Variants in AP1G1 observed in about 807,000 individuals in gnomAD.
AP1G1 encodes adaptor related protein complex 1 subunit gamma 1.
AP1G1 carries 7 observed loss-of-function variants against 108.3 expected under a neutral mutation model. That is an observed-to-expected ratio of 0.06 (90% CI 0.04 to 0.12). The LOEUF is 0.12. AP1G1 is among the 10% of genes least tolerant of loss of function. The pLI is 1.00. For synonymous variants in AP1G1, 379 were observed against 353.5 expected (o/e 1.07, Z -0.81); for missense variants, 756 against 1,010.7 (o/e 0.75, Z 3.42).
intron 19 of AP1G1, 111 bp downstream of exon 19, chr16:71,745,033 A>G: frequency 8.6e-7 from 1 of 1,166,304 alleles, no homozygotes; most frequent in Non-Finnish European, 1.2e-6. Flanking sequence ...CTTCTGATTT[A>G]GCCTCTCCCA....
intron 12 of AP1G1, among the ~76,000 whole-genome samples, chr16:71,755,812 A>T (rs1357357570): frequency 2.0e-5 from 3 of 151,748 alleles, no homozygotes; most frequent in African/African-American, 7.3e-5. Context: ...GGCCCAACAA[A>T]TTTTTGTATT....
intron 21 of AP1G1, among the ~76,000 whole-genome samples, chr16:71,737,352 T>G (rs906576468): frequency 6.6e-6 from 1 of 152,104 alleles, no homozygotes; most frequent in East Asian, 1.9e-4. Flanking sequence ...GGCATGATCT[T>G]GGCTAACTGC....
chr16:71,808,005 T>C lies in AP1G1; in HGVS notation c.-4+758A>G, dbSNP rs536368196. 2.9e-5 allele frequency: 35 copies of C among 1,216,364 alleles called. No homozygotes were observed. The African/African-American group carries it at 4.9e-4, about 17-fold the overall frequency. The allele number at this position is 1,216,364 out of a possible 1,614,324, so 75.3% of individuals were successfully genotyped here. A position where few individuals can be genotyped will look rare whatever the true frequency, so the allele number is the denominator to read the frequency against. On this transcript the variant is annotated intron_variant, in intron 1 of 22. Transcript: ENST00000299980. ...TGCTTCATAAACATAATCTGCTTCA[T>C]AAACATTACCCTGAGCGAGTGGTTC...
At chr16:71,752,932 G>T (rs1386520263) in intron 13 of AP1G1, among the ~76,000 whole-genome samples, 1 of 152,002 alleles carries the variant, frequency 6.6e-6, no homozygotes, top group Non-Finnish European at 1.5e-5. Flanking sequence ...TTTTCCATTA[G>T]AGTGGTATTT....
At chr16:71,754,000 G>A in intron 12 of AP1G1, 113 bp from the exon 13 acceptor site, 1 of 995,688 alleles carries the variant, frequency 1.0e-6, no homozygotes, top group South Asian at 1.4e-5. Flanking sequence ...AACATCTTGG[G>A]AGGCCGAGGT....
At chr16:71,788,657 CTTTT>C (rs10551804) in intron 2 of AP1G1, among the ~76,000 whole-genome samples, 13 of 150,144 alleles carry the variant, frequency 8.7e-5, no homozygotes, top group African/African-American at 2.2e-4. Flanking sequence ...ATTTAGCAAG[CTTTT>C]TTTTTTAAAA....
intron 9 of AP1G1, 68 bp downstream of exon 9, chr16:71,764,282 C>G: frequency 1.1e-6 from 1 of 872,640 alleles, no homozygotes; most frequent in South Asian, 1.9e-5. Flanking sequence ...TTCTGAAGTA[C>G]TGAAGTCCAA....
chr16:71,740,318 CA>C (rs1460924628), intron 19 of AP1G1, among the ~76,000 whole-genome samples: 1 of 152,162 alleles, frequency 6.6e-6, no homozygotes, highest in Non-Finnish European at 1.5e-5. Context: ...CCAGTTGTAA[CA>C]ACCAAAAATA....
intron 2 of AP1G1, among the ~76,000 whole-genome samples, chr16:71,782,996 G>A (rs11075904): frequency 0.86 from 130,695 of 152,094 alleles, 56,309 homozygotes; most frequent in East Asian, 0.99. Flanking sequence ...GGAGACCACA[G>A]TCTAGGCTTA....
chr16:71,804,263 G>A (rs1376623585), intron 1 of AP1G1, among the ~76,000 whole-genome samples: 3 of 151,896 alleles, frequency 2.0e-5, no homozygotes, highest in Non-Finnish European at 2.9e-5. Context: ...GGCCAGGATG[G>A]TCTCGATCTC....
At chr16:71,800,572 T>A (rs1405981589) in intron 1 of AP1G1, among the ~76,000 whole-genome samples, 1 of 149,666 alleles carries the variant, frequency 6.7e-6, no homozygotes, top group Admixed American at 6.6e-5. Flanking sequence ...GAGGCCAAGG[T>A]GGGCAGATCA....
Position 71,756,124 on chromosome 16 carries a change from C to T in AP1G1, c.1124G>A (p.Gly375Glu). 6.2e-7 allele frequency: 1 copy of T among 1,613,352 alleles called. No homozygotes were observed. The highest frequency in any genetic ancestry group is 8.5e-7 in the Non-Finnish European group (1 of 1,179,688). The change falls in exon 12 of 23, where the codon GGG becomes GAG. Residue 375 changes from glycine to glutamate, a missense_variant. Gly to Glu is a moderately conservative substitution (Grantham distance 98). Transcript: ENST00000299980. Reference protein sequence around the residue: ...AMELSFALVNGNNIRGMMKEL... With the variant: ...AMELSFALVNENNIRGMMKEL... ...TTTCATCATGCCTCGGATATTATTC[C>T]CATTTACCAGGGCAAAACTCAATTC...
At position 71,746,750 on chromosome 16, in the gene AP1G1, G is replaced by A. The variant is rs775439694; in HGVS notation, c.1626-58C>T. On this transcript the variant is annotated intron_variant, in intron 16 of 22. Transcript: ENST00000299980. ...CCAAAAGAAAATTCACAAATAAGCA[G>A]AGATAATGTTTAATAAGCCAGAATT... The A allele has an allele frequency of 4.2e-4, 555 of 1,335,890 alleles. 1 individual carries two copies. The highest frequency in any genetic ancestry group is 5.7e-4 in the Non-Finnish European group (535 of 946,796). 82.8% of individuals were successfully genotyped at this position (1,335,890 alleles called of 1,614,324 possible). A position where few individuals can be genotyped will look rare whatever the true frequency, so the allele number is the denominator to read the frequency against.
At chr16:71,756,354 T>C (rs1002306719) in intron 11 of AP1G1, 195 bp from the exon 12 acceptor site, 5 of 461,166 alleles carry the variant, frequency 1.1e-5, no homozygotes, top group Non-Finnish European at 1.9e-5. Flanking sequence ...TTTTGATATT[T>C]TGAATCTTCA....
chr16:71,762,074 G>T (rs557736967), intron 9 of AP1G1, among the ~76,000 whole-genome samples: 17 of 152,012 alleles, frequency 1.1e-4, no homozygotes, highest in East Asian at 7.7e-4. Flanking sequence ...GTCTACTGTG[G>T]CACTACTGAT....
In AP1G1 at chr16:71,807,298, G is replaced by A. The variant is rs577822058; in HGVS notation, c.-4+1465C>T. Among the ~76,000 whole-genome samples, 68 of 152,334 alleles carry A rather than the reference G, an allele frequency of 4.5e-4. 1 individual carries two copies. The highest frequency in any genetic ancestry group is 1.3e-4 in the Non-Finnish European group (9 of 68,040). On this transcript the variant is annotated intron_variant, in intron 1 of 22. Coordinates refer to ENST00000299980, the MANE Select transcript of AP1G1 (RefSeq NM_001128.6). The stretch of plus-strand genomic sequence containing the variant: ...CAACAAAAAATTAGCCGGGCGTGGC[G>A]GCGTGTGCCTGTAGTCCCAGCTACT...
chr16:71,802,972 T>C (rs1196017442), intron 1 of AP1G1, among the ~76,000 whole-genome samples: 1 of 152,104 alleles, frequency 6.6e-6, no homozygotes, highest in African/African-American at 2.4e-5. Context: ...CCCAGCACTT[T>C]GGGAGGCTGA....
chr16:71,791,844 C>G (rs1488189902), intron 1 of AP1G1, among the ~76,000 whole-genome samples: 1 of 150,850 alleles, frequency 6.6e-6, no homozygotes, highest in Non-Finnish European at 1.5e-5. Flanking sequence ...TCACTGCAAC[C>G]TCCACCTCCT....
chr16:71,783,816 T>A (rs1201264912), intron 2 of AP1G1, among the ~76,000 whole-genome samples: 1 of 152,222 alleles, frequency 6.6e-6, no homozygotes, highest in Non-Finnish European at 1.5e-5. Flanking sequence ...TCTATGGAAA[T>A]TCTTTTTTCT....
Sources: allele counts gnomAD v4.1 joint callset (sites outside exome capture counted in the v4.1 genomes callset), GRCh38; gene constraint gnomAD v4.1.1; transcripts MANE v1.5; gene names NCBI Gene and HGNC (gene_info 2026-07-23, HGNC 2026-07-21).